The following GPHN variants were observed in gnomAD, a reference collection of about 807,000 sequenced individuals.
GPHN encodes gephyrin.
A neutral mutation model predicts 95.5 loss-of-function variants in GPHN; 17 were observed. The ratio of observed to expected loss-of-function variants is 0.18; its 90% CI spans 0.12 to 0.27. The LOEUF is 0.27. GPHN is among the 10% of genes least tolerant of loss of function. The pLI, the probability that GPHN is intolerant of heterozygous loss-of-function variation, is 1.00. For missense variants in GPHN, 660 were observed against 978.1 expected, an observed-to-expected ratio of 0.67 and a Z score of 4.34; for synonymous variants, 320 against 322.5, an observed-to-expected ratio of 0.99 and a Z score of 0.08.
chr14:67,722,681 G>C, the GPHN span: 65 of 1,613,822 alleles, frequency 4.0e-5, no homozygotes, highest in Non-Finnish European at 5.0e-5. Flanking sequence ...CCTTCTTCTC[G>C]TTCCTGTATA....
chr14:67,345,678 C>T, the GPHN span: 4 of 787,400 alleles, frequency 5.1e-6, no homozygotes, highest in Non-Finnish European at 8.6e-6. Context: ...AAGTACAAAG[C>T]ACAGTATATG....
intron 5 of GPHN, among the ~76,000 whole-genome samples, chr14:66,911,125 A>G (rs536805803): frequency 6.6e-6 from 1 of 152,156 alleles, no homozygotes; most frequent in African/African-American, 2.4e-5. Flanking sequence ...CACCACATGG[A>G]TGAACCTTGA....
intron 1 of GPHN, among the ~76,000 whole-genome samples, chr14:66,525,633 A>C (rs1286544549): frequency 6.6e-6 from 1 of 152,196 alleles, no homozygotes; most frequent in Non-Finnish European, 1.5e-5. Context: ...TAGGTCTTAC[A>C]TTTAAGTATT....
chr14:67,539,999 A>G, the GPHN span, among the ~76,000 whole-genome samples: 1 of 152,226 alleles, frequency 6.6e-6, no homozygotes, highest in South Asian at 2.1e-4. Flanking sequence ...CCCATCAAAG[A>G]GAGGCTAACT....
chr14:66,676,662 A>G (rs1323312257), intron 1 of GPHN, among the ~76,000 whole-genome samples: 1 of 140,146 alleles, frequency 7.1e-6, no homozygotes, highest in Non-Finnish European at 1.5e-5. Flanking sequence ...ATTCCACTCA[A>G]TCGTAGTGTA....
chr14:67,630,146 C>T, the GPHN span, among the ~76,000 whole-genome samples: 503 of 152,232 alleles, frequency 3.3e-3, 2 homozygotes, highest in African/African-American at 0.012. Flanking sequence ...TGACAAAGAA[C>T]GTCAGAGGAT....
At chr14:66,843,691 G>A (rs867893369) in intron 4 of GPHN, among the ~76,000 whole-genome samples, 3 of 151,930 alleles carry the variant, frequency 2.0e-5, no homozygotes, top group African/African-American at 4.8e-5. Context: ...CCTACATATC[G>A]TCCAAACATC....
chr14:66,846,623 T>C (rs1290896823), intron 4 of GPHN, among the ~76,000 whole-genome samples: 1 of 152,158 alleles, frequency 6.6e-6, no homozygotes, highest in Non-Finnish European at 1.5e-5. Flanking sequence ...TATTACAACT[T>C]ATCACAGCTG....
At chr14:67,629,070 A>T in the GPHN span, among the ~76,000 whole-genome samples, 1 of 152,224 alleles carries the variant, frequency 6.6e-6, no homozygotes, top group East Asian at 1.9e-4. Context: ...GGGGTGGCTC[A>T]TGCCTGTAAT....
Position 67,088,756 on chromosome 14 carries a change from C to G in GPHN, c.1145-227C>G, listed in dbSNP as rs531963509. 7.9e-5 allele frequency among the ~76,000 whole-genome samples: 12 copies of G among 152,298 alleles called. No homozygotes were observed. The East Asian group carries it at 2.3e-3, about 29-fold the overall frequency. On this transcript the variant is annotated intron_variant, in intron 11 of 22. Coordinates refer to ENST00000478722, the MANE Select transcript of GPHN (RefSeq NM_020806.5). Reference sequence around the variant, plus strand: ...TGATTACTGTATAGCACCTCATATTCAGATAATCTCTGCAAACATTGCCAT... The same window carrying G: ...TGATTACTGTATAGCACCTCATATTGAGATAATCTCTGCAAACATTGCCAT...
chr14:67,725,137 G>A, the GPHN span: 1 of 1,614,148 alleles, frequency 6.2e-7, no homozygotes, highest in East Asian at 2.2e-5. Context: ...TGTACTGAAG[G>A]GGGAGTCTGC....
intron 4 of GPHN, among the ~76,000 whole-genome samples, chr14:66,872,088 C>T (rs925660426): frequency 6.6e-6 from 1 of 152,168 alleles, no homozygotes; most frequent in South Asian, 2.1e-4. Context: ...ATCAATTCTG[C>T]TAATCCTGTA....
intron 4 of GPHN, among the ~76,000 whole-genome samples, chr14:66,853,449 T>C (rs2062677605): frequency 6.6e-6 from 1 of 152,178 alleles, no homozygotes; most frequent in Admixed American, 6.5e-5. Flanking sequence ...GGGTAACTTA[T>C]AAAGGAAAGA....
intron 4 of GPHN, among the ~76,000 whole-genome samples, chr14:66,876,285 C>T (rs1047446512): frequency 6.6e-6 from 1 of 152,108 alleles, no homozygotes; most frequent in Non-Finnish European, 1.5e-5. Context: ...TAAATGCCCA[C>T]AGGGGAAAAT....
chr14:67,208,180 C>A, the GPHN span: 2 of 1,612,054 alleles, frequency 1.2e-6, no homozygotes. Flanking sequence ...ACCTGATTTG[C>A]TGCTGCTTTT....
At chr14:67,727,902 A>G in the GPHN span, 3 of 153,056 alleles carry the variant, frequency 2.0e-5, no homozygotes, top group East Asian at 3.8e-4. Context: ...TGAGGTCCAC[A>G]TGGTGATCTG....
At chr14:67,374,022 TA>T in the GPHN span, among the ~76,000 whole-genome samples, 1 of 152,168 alleles carries the variant, frequency 6.6e-6, no homozygotes, top group Non-Finnish European at 1.5e-5. Context: ...TTCTCTCCAG[TA>T]AGGTAATGGA....
intron 8 of GPHN, among the ~76,000 whole-genome samples, chr14:66,962,669 A>T (rs1036557025): frequency 6.6e-6 from 1 of 151,792 alleles, no homozygotes; most frequent in African/African-American, 2.4e-5. Context: ...CTTTTTACTT[A>T]ACTGGTAATT....
intron 10 of GPHN, among the ~76,000 whole-genome samples, chr14:67,024,342 G>C (rs541143288): frequency 1.3e-5 from 2 of 152,100 alleles, no homozygotes; most frequent in East Asian, 3.9e-4. Flanking sequence ...TAAGAAAAAA[G>C]TGCTATATAA....
Sources: gnomAD v4.1 joint callset for allele counts (sites outside exome capture counted in the v4.1 genomes callset) on GRCh38, gnomAD v4.1.1 for gene constraint, MANE v1.5 for transcripts, NCBI Gene and HGNC (gene_info 2026-07-23, HGNC 2026-07-21) for gene names.